PUDP: variants seen among roughly 807,000 people sequenced by gnomAD.
PUDP encodes the protein pseudouridine-5'-phosphatase.
PUDP carries 8 observed loss-of-function variants against 9.4 expected under a neutral mutation model. The observed-to-expected ratio is 0.85, with a 90% CI of 0.50 to 1.53. The LOEUF (loss-of-function observed/expected upper bound fraction) is 1.53. Among genes scored for constraint, PUDP ranks in the 40% most tolerant of loss-of-function variants. PUDP has a pLI of 0.00. For missense variants in PUDP, 188 were observed against 189.7 expected (o/e 0.99, Z 0.05); for synonymous variants, 99 against 80.7 (o/e 1.23, Z -1.22).
At chrX:6,731,430 T>A (rs1179023276) in intron 3 of PUDP, among the ~76,000 whole-genome samples, 6 of 111,498 alleles carry the variant, frequency 5.4e-5, no homozygotes, top group Non-Finnish European at 7.5e-5. Flanking sequence ...CTCAGTGGAC[T>A]AAAAACTGGT....
chrX:6,839,437 G>A (rs1187871893), intron 3 of PUDP, among the ~76,000 whole-genome samples: 1 of 111,322 alleles, frequency 9.0e-6, no homozygotes, highest in African/African-American at 3.3e-5. Flanking sequence ...TTGGGGTGTG[G>A]AAGGAAATAA....
intron 1 of PUDP, among the ~76,000 whole-genome samples, chrX:7,108,876 CT>C (rs1779961850): frequency 8.9e-6 from 1 of 111,839 alleles, no homozygotes; most frequent in South Asian, 3.8e-4. Context: ...ATTAAGTTTG[CT>C]GTAAAACACA....
chrX:6,740,771 G>A lies in PUDP; in HGVS notation c.*248-34305C>T, dbSNP rs887451673. Among the ~76,000 whole-genome samples the A allele has an allele frequency of 6.3e-5, 7 of 111,937 alleles. No homozygotes were observed. The Admixed American group carries it at 6.6e-4, about 11-fold the overall frequency. Reference sequence around the variant, plus strand: ...GGCTGATAATGATACACCCTCTCGTGCTCCTCATCCCACACTTTCACGACA... The same window carrying A: ...GGCTGATAATGATACACCCTCTCGTACTCCTCATCCCACACTTTCACGACA... On this transcript the variant is annotated intron_variant and NMD_transcript_variant, in intron 3 of 3. Coordinates refer to the PUDP transcript ENST00000655425.
chrX:6,949,343 C>T (rs1480093652), intron 3 of PUDP, among the ~76,000 whole-genome samples: 2 of 107,391 alleles, frequency 1.9e-5, no homozygotes, highest in Non-Finnish European at 3.9e-5. Flanking sequence ...ACCTTGTGTG[C>T]TTTTCACTAT....
intron 3 of PUDP, among the ~76,000 whole-genome samples, chrX:6,828,862 T>C (rs1422425578): frequency 8.9e-6 from 1 of 111,772 alleles, no homozygotes; most frequent in Admixed American, 9.5e-5. Flanking sequence ...TTTCATGGCT[T>C]GATAGCTTAT....
upstream of PUDP, among the ~76,000 whole-genome samples, chrX:6,724,470 A>T (rs1924715727): frequency 9.4e-6 from 1 of 106,566 alleles, no homozygotes; most frequent in African/African-American, 3.4e-5. Context: ...AAAATACAAA[A>T]ACATGAATTA....
chrX:7,081,384 T>C (rs1466468222), intron 2 of PUDP, among the ~76,000 whole-genome samples: 1 of 112,155 alleles, frequency 8.9e-6, no homozygotes, highest in Non-Finnish European at 1.9e-5. Context: ...GAAGTTCTGC[T>C]TCAAGTAATC....
At position 6,933,852 on chromosome X, in the gene PUDP, C is replaced by T. The variant is rs903552045; in HGVS notation, c.*247+43281G>A. On this transcript the variant is annotated intron_variant and NMD_transcript_variant, in intron 3 of 3. Transcript: ENST00000655425. ...TGAAGAATGCAGAAGCCCCAGGAGCCGATGCGATCAACTGCAAGAAAGGGT... is the reference window on the plus strand; with the variant it reads ...TGAAGAATGCAGAAGCCCCAGGAGCTGATGCGATCAACTGCAAGAAAGGGT... Among the ~76,000 whole-genome samples the T allele has an allele frequency of 3.6e-4, 40 of 110,834 alleles. 1 individual carries two copies. The highest frequency in any genetic ancestry group is 6.8e-4 in the Non-Finnish European group (36 of 52,969).
intron 3 of PUDP, among the ~76,000 whole-genome samples, chrX:6,927,041 C>T (rs777663784): frequency 9.4e-6 from 1 of 106,833 alleles, no homozygotes; most frequent in Non-Finnish European, 1.9e-5. Context: ...AATCCTCCTG[C>T]GTCAGCCTCC....
intron 1 of PUDP, among the ~76,000 whole-genome samples, chrX:7,131,521 C>T (rs954636510): frequency 9.1e-6 from 1 of 109,569 alleles, no homozygotes; most frequent in Non-Finnish European, 1.9e-5. Context: ...GAGACCGGAG[C>T]GATGCAGCTA....
At chrX:6,755,876 C>CAA (rs369966783) in intron 3 of PUDP, among the ~76,000 whole-genome samples, 1 of 98,206 alleles carries the variant, frequency 1.0e-5, no homozygotes, top group East Asian at 3.1e-4. Flanking sequence ...ATTAAAGGAA[C>CAA]AAAAAAAAAA....
intron 3 of PUDP, among the ~76,000 whole-genome samples, chrX:6,754,668 T>G (rs1925149866): frequency 9.1e-6 from 1 of 109,554 alleles, no homozygotes; most frequent in East Asian, 2.8e-4. Context: ...TATAGCTTTA[T>G]ACATAATTTA....
chrX:6,723,738 A>G (rs1349212016), upstream of PUDP, among the ~76,000 whole-genome samples: 7 of 111,299 alleles, frequency 6.3e-5, no homozygotes, highest in East Asian at 2.0e-3. Flanking sequence ...TGATTTGGAA[A>G]GATAGATTCT....
chrX:7,094,020 G>T (rs1227778890), intron 2 of PUDP, among the ~76,000 whole-genome samples: 1 of 111,079 alleles, frequency 9.0e-6, no homozygotes, highest in Non-Finnish European at 1.9e-5. Flanking sequence ...AAGGTGGGAG[G>T]ATCGCTTGGG....
At chrX:7,099,328 C>T (rs1931661233) in intron 2 of PUDP, among the ~76,000 whole-genome samples, 1 of 112,088 alleles carries the variant, frequency 8.9e-6, no homozygotes, top group South Asian at 3.7e-4. Context: ...CATACATTTC[C>T]AGTTGTAATA....
At chrX:7,065,643 C>T (rs2146852417) in intron 3 of PUDP, among the ~76,000 whole-genome samples, 1 of 112,415 alleles carries the variant, frequency 8.9e-6, no homozygotes, top group Admixed American at 9.4e-5. Context: ...AGAATGTGTA[C>T]ACAAGCATTG....
chrX:7,008,270 AT>A (rs767510574), intron 1 of PUDP, among the ~76,000 whole-genome samples: 8 of 111,403 alleles, frequency 7.2e-5, no homozygotes, highest in South Asian at 7.7e-4. Flanking sequence ...GGCCAAAAAA[AT>A]TTTTTTTAAT....
intron 3 of PUDP, among the ~76,000 whole-genome samples, chrX:7,056,173 G>A (rs961472645): frequency 3.6e-5 from 4 of 112,636 alleles, no homozygotes; most frequent in Non-Finnish European, 5.6e-5. Flanking sequence ...CTAAGCCAAG[G>A]GACTTCAGCC....
chrX:6,852,051 T>C lies in PUDP; in HGVS notation c.*247+125082A>G, dbSNP rs1392351410. On this transcript the variant is annotated intron_variant and NMD_transcript_variant, in intron 3 of 3. Transcript: ENST00000655425. Reference sequence around the variant, plus strand: ...TCAAATAAAGCCTCTGGTCTTTTTCTACTGACAGCTGAGGAATTCATGCAG... The same window carrying C: ...TCAAATAAAGCCTCTGGTCTTTTTCCACTGACAGCTGAGGAATTCATGCAG... 8.0e-5 allele frequency among the ~76,000 whole-genome samples: 9 copies of C among 112,520 alleles called. 1 individual carries two copies. The highest frequency in any genetic ancestry group is 1.7e-4 in the Non-Finnish European group (9 of 53,322).
Sources: gnomAD v4.1 joint callset for allele counts (sites outside exome capture counted in the v4.1 genomes callset) on GRCh38, gnomAD v4.1.1 for gene constraint, MANE v1.5 for transcripts, NCBI Gene and HGNC (gene_info 2026-07-23, HGNC 2026-07-21) for gene names.